Variants in RAB3GAP2 observed in about 807,000 individuals in gnomAD.
RAB3GAP2 encodes the protein rab3 GTPase-activating protein non-catalytic subunit.
Under a neutral mutation model 185.3 loss-of-function variants are expected in RAB3GAP2, and 87 were observed. The ratio of observed to expected loss-of-function variants is 0.47; its 90% CI spans 0.39 to 0.56. The LOEUF (loss-of-function observed/expected upper bound fraction) is 0.56. RAB3GAP2 is among the 20% of genes least tolerant of loss of function. RAB3GAP2 has a pLI of 0.00. For synonymous variants in RAB3GAP2, 554 were observed against 576.1 expected, an observed-to-expected ratio of 0.96 and a Z score of 0.55; for missense variants, 1,492 against 1,638.2, an observed-to-expected ratio of 0.91 and a Z score of 1.54.
rs989476041 is a variant in RAB3GAP2 at position 220,210,684 on chromosome 1, A to C, written c.510+117T>G. 1.0e-5 allele frequency: 12 copies of C among 1,178,974 alleles called. No homozygotes were observed. In the East Asian group the frequency reaches 3.0e-4, roughly 30 times the overall value. 73.0% of individuals were successfully genotyped at this position (1,178,974 alleles called of 1,614,324 possible). On this transcript the variant is annotated intron_variant, in intron 6 of 34. Coordinates refer to ENST00000358951, the MANE Select transcript of RAB3GAP2 (RefSeq NM_012414.4). The stretch of plus-strand genomic sequence containing the variant: ...CCTATCCCGGCCTCTACCCCCATAA[A>C]GAATCAACTACACATTTTCAGGCAG...
chr1:220,177,342 C>G (rs565234776), intron 21 of RAB3GAP2, among the ~76,000 whole-genome samples: 10 of 152,300 alleles, frequency 6.6e-5, no homozygotes, highest in Admixed American at 1.3e-4. Flanking sequence ...TGAGGAAGGT[C>G]AAGTACAAAC....
chr1:220,215,825 T>C (rs1358471569), intron 2 of RAB3GAP2, among the ~76,000 whole-genome samples: 1 of 152,092 alleles, frequency 6.6e-6, no homozygotes, highest in African/African-American at 2.4e-5. Flanking sequence ...GATTCAATTA[T>C]TGAAAAGGGG....
chr1:220,190,749 A>G (rs1248506877), intron 14 of RAB3GAP2, among the ~76,000 whole-genome samples: 3 of 152,200 alleles, frequency 2.0e-5, no homozygotes, highest in Non-Finnish European at 4.4e-5. Flanking sequence ...CCCTGTTTCA[A>G]TGGCAAACAA....
rs1553279016 is a variant in RAB3GAP2 at position 220,214,946 on chromosome 1, T to TTATATGTATATATATATATA, written c.181-968_181-967insTATATATATATATACATATA. Among the ~76,000 whole-genome samples the TTATATGTATATATATATATA allele has an allele frequency of 5.7e-4, 51 of 89,624 alleles. 1 individual carries two copies. Among genetic ancestry groups the TTATATGTATATATATATATA allele is most frequent in the African/African-American group, 2.4e-3 (51 of 20,876 alleles). 58.8% of individuals were successfully genotyped at this position (89,624 alleles called of 152,430 possible). On this transcript the variant is annotated intron_variant, in intron 2 of 34. Coordinates refer to ENST00000358951, the MANE Select transcript of RAB3GAP2 (RefSeq NM_012414.4). ...CCTTTTTCTTACAAGAATAGTAGCATTATATATATATATATATATATATAT... is the reference window on the plus strand; with the variant it reads ...CCTTTTTCTTACAAGAATAGTAGCATTATATGTATATATATATATATATATATATATATATATATATATAT...
At chr1:220,241,628 T>G (rs1332497479) in intron 1 of RAB3GAP2, among the ~76,000 whole-genome samples, 3 of 152,048 alleles carry the variant, frequency 2.0e-5, no homozygotes, top group Non-Finnish European at 2.9e-5. Context: ...ATAGAGAAGC[T>G]GCCTCTTATA....
At chr1:220,257,079 TAAG>T (rs1343916396) in intron 1 of RAB3GAP2, among the ~76,000 whole-genome samples, 3 of 152,090 alleles carry the variant, frequency 2.0e-5, no homozygotes, top group Admixed American at 6.6e-5. Context: ...AATTCAAGAT[TAAG>T]AAATTCACTC....
At chr1:220,250,760 G>A (rs994284768) in intron 1 of RAB3GAP2, among the ~76,000 whole-genome samples, 27 of 152,148 alleles carry the variant, frequency 1.8e-4, no homozygotes, top group African/African-American at 4.8e-5. Flanking sequence ...TCATGATAGT[G>A]AGTTCTCACA....
rs141587083 is a variant in RAB3GAP2, at chr1:220,161,588, A to G, written c.3225+610T>C. 3.4e-3 allele frequency among the ~76,000 whole-genome samples: 512 copies of G among 152,332 alleles called. 2 individuals carry two copies. Among genetic ancestry groups the G allele is most frequent in the African/African-American group, 0.012 (494 of 41,580 alleles). On this transcript the variant is annotated intron_variant, in intron 28 of 34. Coordinates refer to ENST00000358951, the MANE Select transcript of RAB3GAP2 (RefSeq NM_012414.4). ...GATGTCACTGTAATTATGTAATTTA[A>G]TTCCATAACTGATGAAATATGAATG...
intron 2 of RAB3GAP2, among the ~76,000 whole-genome samples, chr1:220,223,568 T>G (rs1659347234): frequency 6.6e-6 from 1 of 152,032 alleles, no homozygotes. Context: ...TAAAGTATGA[T>G]AACATACTAG....
chr1:220,184,225 T>C, intron 18 of RAB3GAP2, 62 bp from the exon 19 acceptor site: 1 of 1,450,446 alleles, frequency 6.9e-7, no homozygotes, highest in Non-Finnish European at 9.6e-7. Context: ...AAACAGGCTT[T>C]GCTTTCATTA....
intron 2 of RAB3GAP2, among the ~76,000 whole-genome samples, chr1:220,216,170 C>G (rs1027780149): frequency 6.6e-6 from 1 of 152,074 alleles, no homozygotes; most frequent in African/African-American, 2.4e-5. Flanking sequence ...AGGAAACAAA[C>G]AGATTTGGAA....
At chr1:220,218,120 GAAACTTGAGAATA>G (rs1175101331) in intron 2 of RAB3GAP2, among the ~76,000 whole-genome samples, 7 of 152,124 alleles carry the variant, frequency 4.6e-5, no homozygotes, top group African/African-American at 1.7e-4. Context: ...TTATTTACAT[GAAACTTGAGAATA>G]AAACTTGATG....
intron 2 of RAB3GAP2, among the ~76,000 whole-genome samples, chr1:220,214,272 A>C (rs1659141952): frequency 6.6e-6 from 1 of 152,232 alleles, no homozygotes; most frequent in Non-Finnish European, 1.5e-5. Flanking sequence ...ATGGTGGCTC[A>C]CACCTGTAAT....
At chr1:220,170,467 T>A (rs1451255574) in intron 24 of RAB3GAP2, among the ~76,000 whole-genome samples, 2 of 151,972 alleles carry the variant, frequency 1.3e-5, no homozygotes, top group Non-Finnish European at 2.9e-5. Flanking sequence ...GGATATTTGG[T>A]GAGAAATATG....
chr1:220,243,085 C>T (rs2667967), intron 1 of RAB3GAP2, among the ~76,000 whole-genome samples: 72,832 of 151,964 alleles, frequency 0.48, 19,681 homozygotes, highest in African/African-American at 0.73. Flanking sequence ...CTGGGCACGG[C>T]GGCTCACGCC....
chr1:220,210,649 C>T (rs1026165972), intron 6 of RAB3GAP2, 152 bp downstream of exon 6: 2 of 1,003,956 alleles, frequency 2.0e-6, no homozygotes, highest in Admixed American at 2.0e-5. Flanking sequence ...TCTACCAGAA[C>T]TTGCCACGGC....
intron 3 of RAB3GAP2, 57 bp from the exon 4 acceptor site, chr1:220,213,025 A>G (rs1659111979): frequency 1.5e-6 from 2 of 1,306,838 alleles, no homozygotes; most frequent in East Asian, 2.6e-5. Flanking sequence ...CTAAAAGAGT[A>G]ATTTATAAAT....
At chr1:220,198,438 A>T (rs1429474774) in intron 9 of RAB3GAP2, among the ~76,000 whole-genome samples, 1 of 152,142 alleles carries the variant, frequency 6.6e-6, no homozygotes, top group East Asian at 1.9e-4. Context: ...AGCTGACCAC[A>T]TTCCTATAGT....
intron 1 of RAB3GAP2, among the ~76,000 whole-genome samples, chr1:220,247,360 C>T (rs1659839464): frequency 1.3e-5 from 2 of 152,126 alleles, no homozygotes; most frequent in South Asian, 4.1e-4. Flanking sequence ...ACCTAAGTGC[C>T]CATCAACCAA....
Sources: allele counts gnomAD v4.1 joint callset (sites outside exome capture counted in the v4.1 genomes callset), GRCh38; gene constraint gnomAD v4.1.1; transcripts MANE v1.5; gene names NCBI Gene and HGNC (gene_info 2026-07-23, HGNC 2026-07-21).